Variants in HTR1F observed in about 807,000 individuals in gnomAD.
The protein encoded by HTR1F is 5-hydroxytryptamine (serotonin) receptor 1F, G protein-coupled.
In HTR1F, 17 loss-of-function variants were observed where a neutral mutation model predicts 24.0. That is an observed-to-expected ratio of 0.71 (90% confidence interval 0.48 to 1.06). The LOEUF is 1.06. Among genes scored for constraint, HTR1F ranks in the 50% least tolerant of loss-of-function variants. The probability of loss-of-function intolerance (pLI) is 0.00; values close to 1 mark genes in which losing one functional copy is unlikely to be tolerated. For synonymous variants in HTR1F, 186 were observed against 156.8 expected, an observed-to-expected ratio of 1.19 and a Z score of -1.39; for missense variants, 391 against 427.8, an observed-to-expected ratio of 0.91 and a Z score of 0.76.
chr3:87,990,985 TC>T lies in HTR1F; in HGVS notation c.237del (p.Phe79LeufsTer7). On this transcript the variant is annotated frameshift_variant, in exon 3 of 3. Coordinates refer to ENST00000319595, the MANE Select transcript of HTR1F (RefSeq NM_001322209.2). LOFTEE classifies it high-confidence loss of function. ...CTTGTGGCTGTCCTGGTGATGCCCTTCAGCATTGTGTATATTGTGAGAGAGA... is the reference window on the plus strand; with the variant it reads ...CTTGTGGCTGTCCTGGTGATGCCCTTAGCATTGTGTATATTGTGAGAGAGA... The part of the protein sequence containing the change: ...DFLVAVLVMP[F>X]SIVYIVRESW... 1 of 1,614,168 alleles carries T rather than the reference TC, an allele frequency of 6.2e-7. No individual in the cohort carries two copies. The highest frequency in any genetic ancestry group is 1.7e-5 in the Admixed American group (1 of 60,010).
chr3:87,853,812 CA>C (rs1358208589), intron 2 of HTR1F, among the ~76,000 whole-genome samples: 1 of 152,042 alleles, frequency 6.6e-6, no homozygotes, highest in African/African-American at 2.4e-5. Context: ...CTCTAGTGAT[CA>C]GGGATATTGA....
intron 2 of HTR1F, among the ~76,000 whole-genome samples, chr3:87,965,309 G>C (rs145718056): frequency 6.6e-6 from 1 of 152,214 alleles, no homozygotes; most frequent in African/African-American, 2.4e-5. Context: ...ATTTCTAAGC[G>C]AGTAATATTC....
intron 2 of HTR1F, among the ~76,000 whole-genome samples, chr3:87,897,407 C>T (rs1706223802): frequency 6.6e-6 from 1 of 151,864 alleles, no homozygotes; most frequent in South Asian, 2.1e-4. Flanking sequence ...GTCAAATATA[C>T]TTCTTCAATA....
rs529899348 is a variant in HTR1F at position 87,965,924 on chromosome 3, C to A, written c.-42-24784C>A. ...TTAGTTCCCTTGCATCTCAGATGGC[C>A]TATTAAATTCTTTACTAAAATGTCC... On this transcript the variant is annotated intron_variant, in intron 2 of 2. Transcript: ENST00000319595. Among the ~76,000 whole-genome samples the A allele has an allele frequency of 3.3e-5, 5 of 152,288 alleles. No homozygotes were observed. The South Asian group carries it at 1.0e-3, about 32-fold the overall frequency.
intron 2 of HTR1F, among the ~76,000 whole-genome samples, chr3:87,857,870 T>C (rs1442780257): frequency 1.3e-5 from 2 of 152,180 alleles, no homozygotes; most frequent in Non-Finnish European, 2.9e-5. Context: ...GATTCGAGTA[T>C]GGAACTTTTG....
At chr3:87,885,897 A>G (rs1476634448) in intron 2 of HTR1F, among the ~76,000 whole-genome samples, 1 of 152,188 alleles carries the variant, frequency 6.6e-6, no homozygotes, top group Non-Finnish European at 1.5e-5. Flanking sequence ...TCTCAGCCGA[A>G]TTCTACCAGA....
chr3:87,939,607 G>A (rs1429699448), intron 2 of HTR1F, among the ~76,000 whole-genome samples: 1 of 152,106 alleles, frequency 6.6e-6, no homozygotes, highest in African/African-American at 2.4e-5. Context: ...TTGGGAGAGT[G>A]TACGTGTCCA....
At chr3:87,854,671 T>C (rs1157861828) in intron 2 of HTR1F, among the ~76,000 whole-genome samples, 1 of 152,048 alleles carries the variant, frequency 6.6e-6, no homozygotes, top group Non-Finnish European at 1.5e-5. Context: ...TATTTGAAAA[T>C]AATGTATTTT....
intron 2 of HTR1F, among the ~76,000 whole-genome samples, chr3:87,835,617 T>C (rs1175014341): frequency 6.6e-5 from 10 of 152,228 alleles, no homozygotes; most frequent in African/African-American, 2.4e-4. Context: ...TGATTATTTT[T>C]CAATTTCCTG....
At chr3:87,938,792 G>C (rs1223027466) in intron 2 of HTR1F, among the ~76,000 whole-genome samples, 1 of 152,092 alleles carries the variant, frequency 6.6e-6, no homozygotes, top group African/African-American at 2.4e-5. Flanking sequence ...ATCAACTCAA[G>C]ATGGATTAAA....
At chr3:87,967,591 G>T (rs966913060) in intron 2 of HTR1F, among the ~76,000 whole-genome samples, 1 of 151,954 alleles carries the variant, frequency 6.6e-6, no homozygotes, top group African/African-American at 2.4e-5. Flanking sequence ...AATCATGGGG[G>T]GGGGTGGGTA....
At chr3:87,966,673 T>C (rs1705169286) in intron 2 of HTR1F, among the ~76,000 whole-genome samples, 2 of 152,320 alleles carry the variant, frequency 1.3e-5, no homozygotes, top group East Asian at 3.9e-4. Flanking sequence ...AAATACTTGC[T>C]GATTAATTAC....
At chr3:87,978,898 A>AAGGG (rs1705460467) in intron 2 of HTR1F, among the ~76,000 whole-genome samples, 1 of 66,708 alleles carries the variant, frequency 1.5e-5, no homozygotes, top group Non-Finnish European at 3.0e-5. Flanking sequence ...GGGAGGAAGG[A>AAGGG]AGGAAGGAAG....
At chr3:87,836,092 A>G (rs1704677328) in intron 2 of HTR1F, among the ~76,000 whole-genome samples, 1 of 152,214 alleles carries the variant, frequency 6.6e-6, no homozygotes, top group Admixed American at 6.5e-5. Context: ...TTATTTTATT[A>G]TCTGCAAAGT....
chr3:87,916,405 C>T (rs920933475), intron 2 of HTR1F, among the ~76,000 whole-genome samples: 4 of 150,358 alleles, frequency 2.7e-5, no homozygotes, highest in Non-Finnish European at 5.9e-5. Context: ...ATGTAAATGG[C>T]CTAAAGACTC....
chr3:87,946,089 T>G (rs1315198148), intron 2 of HTR1F, among the ~76,000 whole-genome samples: 1 of 152,166 alleles, frequency 6.6e-6, no homozygotes, highest in Admixed American at 6.5e-5. Flanking sequence ...TTCAGCTCGA[T>G]TAGGATGAAC....
At chr3:87,864,071 C>T (rs1474015253) in intron 2 of HTR1F, among the ~76,000 whole-genome samples, 2 of 152,182 alleles carry the variant, frequency 1.3e-5, no homozygotes, top group African/African-American at 2.4e-5. Flanking sequence ...ATACTTCTGC[C>T]TCCATCCTCC....
At chr3:87,910,864 G>C (rs1487497260) in intron 2 of HTR1F, among the ~76,000 whole-genome samples, 1 of 152,006 alleles carries the variant, frequency 6.6e-6, no homozygotes, top group Non-Finnish European at 1.5e-5. Context: ...ACCTGCTCCT[G>C]AATGACATTT....
intron 1 of HTR1F, among the ~76,000 whole-genome samples, chr3:87,804,654 C>T (rs1290590320): frequency 6.6e-6 from 1 of 151,934 alleles, no homozygotes; most frequent in South Asian, 2.1e-4. Flanking sequence ...TTTGTGCTCA[C>T]GTTACTATAG....
Sources: gnomAD v4.1 joint callset for allele counts (sites outside exome capture counted in the v4.1 genomes callset) on GRCh38, gnomAD v4.1.1 for gene constraint, MANE v1.5 for transcripts, NCBI Gene and HGNC (gene_info 2026-07-23, HGNC 2026-07-21) for gene names.